CIB1: variants seen among roughly 807,000 people sequenced by gnomAD.
CIB1 encodes the protein calcium and integrin binding 1, also known as calcium and integrin-binding protein 1.
Under a neutral mutation model 25.0 loss-of-function variants are expected in CIB1, and 19 were observed. That is an observed-to-expected ratio of 0.76 (90% CI 0.53 to 1.12). The LOEUF (loss-of-function observed/expected upper bound fraction) is 1.12. Among genes scored for constraint, CIB1 ranks in the 50% most tolerant of loss-of-function variants. The pLI, the probability that CIB1 is intolerant of heterozygous loss-of-function variation, is 0.00. For missense variants in CIB1, 236 were observed against 242.6 expected (o/e 0.97, Z 0.18); for synonymous variants, 104 against 98.5 (o/e 1.06, Z -0.33).
upstream of CIB1, chr15:90,234,227 A>G (rs8028268): frequency 0.16 from 39,258 of 249,904 alleles, 4,444 homozygotes; most frequent in African/African-American, 0.31. Context: ...CACGGGCGTC[A>G]TGACCTCGCT....
the CIB1 span, among the ~76,000 whole-genome samples, chr15:90,246,698 G>A: frequency 7.0e-6 from 1 of 143,400 alleles, no homozygotes; most frequent in African/African-American, 2.5e-5. Flanking sequence ...TGACGCAGGA[G>A]AATCACTTGA....
the CIB1 span, chr15:90,257,412 A>T: frequency 2.2e-6 from 3 of 1,339,414 alleles, no homozygotes; most frequent in Non-Finnish European, 2.0e-6. Flanking sequence ...TGCAGCATCT[A>T]GCTGGGAGGC....
At chr15:90,241,888 C>T in the CIB1 span, 6 of 1,614,128 alleles carry the variant, frequency 3.7e-6, no homozygotes, top group Non-Finnish European at 5.1e-6. Flanking sequence ...GACGGTGAAG[C>T]TTTCAATGTT....
the CIB1 span, chr15:90,265,463 G>T: frequency 7.3e-7 from 1 of 1,366,102 alleles, no homozygotes; most frequent in South Asian, 1.7e-5. Flanking sequence ...TTTAATTAAA[G>T]TTTATGCAGT....
the CIB1 span, among the ~76,000 whole-genome samples, chr15:90,251,351 C>G: frequency 2.0e-5 from 3 of 146,414 alleles, no homozygotes; most frequent in Non-Finnish European, 1.5e-5. Flanking sequence ...GTCTCTATCT[C>G]CTGACCTTGT....
At chr15:90,248,883 T>C in the CIB1 span, among the ~76,000 whole-genome samples, 49,051 of 151,096 alleles carry the variant, frequency 0.32, 8,795 homozygotes, top group East Asian at 0.69. Flanking sequence ...TCAAAGTGGG[T>C]GGATGTCAGG....
the CIB1 span, chr15:90,264,673 T>C: frequency 3.3e-6 from 5 of 1,522,882 alleles, no homozygotes. Context: ...GGTGAACAAA[T>C]CTCTTCTGTG....
chr15:90,260,021 C>T, the CIB1 span, among the ~76,000 whole-genome samples: 1 of 152,188 alleles, frequency 6.6e-6, no homozygotes, highest in Admixed American at 6.5e-5. Context: ...ACCGTAAGCA[C>T]TCAGATGTCT....
At chr15:90,253,014 A>C in the CIB1 span, among the ~76,000 whole-genome samples, 3 of 152,032 alleles carry the variant, frequency 2.0e-5, no homozygotes, top group Non-Finnish European at 2.9e-5. Flanking sequence ...CAAACAAACA[A>C]ACAAACAAAA....
the CIB1 span, chr15:90,250,960 A>G: frequency 6.5e-7 from 1 of 1,541,814 alleles, no homozygotes; most frequent in Non-Finnish European, 8.7e-7. Flanking sequence ...CAACATCTGG[A>G]GGAGCTGGGA....
the CIB1 span, among the ~76,000 whole-genome samples, chr15:90,252,456 C>T: frequency 6.6e-6 from 1 of 152,182 alleles, no homozygotes; most frequent in Non-Finnish European, 1.5e-5. Flanking sequence ...CCTAGGATAA[C>T]AGGCAGGAGC....
the CIB1 span, chr15:90,258,307 CAGAGGCCTCCTTGAAT>C: frequency 6.8e-5 from 107 of 1,576,396 alleles, no homozygotes; most frequent in Non-Finnish European, 8.9e-5. Flanking sequence ...AACCAAGGTC[CAGAGGCCTCCTTGAAT>C]AGGACACCTG....
At chr15:90,248,718 C>CAAAAAAAAAAAA in the CIB1 span, among the ~76,000 whole-genome samples, 10 of 27,790 alleles carry the variant, frequency 3.6e-4, 1 homozygote, top group Non-Finnish European at 5.3e-4. Context: ...GACCCTGTCT[C>CAAAAAAAAAAAA]AAAAAAAAAA....
intron 3 of CIB1, 66 bp downstream of exon 3, chr15:90,232,153 T>G: frequency 2.4e-6 from 3 of 1,255,964 alleles, no homozygotes; most frequent in Non-Finnish European, 1.1e-6. Context: ...TAGTGGCAGA[T>G]GGAGTTAGGG....
At chr15:90,256,633 CCTTCCTT>C in the CIB1 span, among the ~76,000 whole-genome samples, 99 of 76,512 alleles carry the variant, frequency 1.3e-3, 1 homozygote, top group African/African-American at 5.8e-3. Flanking sequence ...TTCCTTCCTT[CCTTCCTT>C]CTTTCTTTCT....
chr15:90,254,452 C>G, the CIB1 span, among the ~76,000 whole-genome samples: 3,202 of 144,076 alleles, frequency 0.022, 119 homozygotes, highest in African/African-American at 0.077. Flanking sequence ...AAGATTGTGT[C>G]ATTGCACTCC....
At chr15:90,239,057 AG>A in the CIB1 span, among the ~76,000 whole-genome samples, 2 of 152,220 alleles carry the variant, frequency 1.3e-5, no homozygotes, top group African/African-American at 4.8e-5. Context: ...GTGAGTGTAT[AG>A]GATGTTCATT....
chr15:90,233,994 G>C, upstream of CIB1: 2 of 1,257,190 alleles, frequency 1.6e-6, no homozygotes, highest in Non-Finnish European at 2.1e-6. Flanking sequence ...ACCGCTCCTG[G>C]GGCCACCACC....
intron 2 of CIB1, 25 bp from the exon 3 acceptor site, chr15:90,232,352 G>A: frequency 6.3e-7 from 1 of 1,582,236 alleles, no homozygotes; most frequent in Non-Finnish European, 8.6e-7. Context: ...GGAACTGTCG[G>A]TGTTCTCAGC....
Sources: gnomAD v4.1 joint callset for allele counts (sites outside exome capture counted in the v4.1 genomes callset) on GRCh38, gnomAD v4.1.1 for gene constraint, MANE v1.5 for transcripts, NCBI Gene and HGNC (gene_info 2026-07-23, HGNC 2026-07-21) for gene names.